The following IGSF11 variants were observed in gnomAD, a reference collection of about 807,000 sequenced individuals.
IGSF11 encodes immunoglobulin superfamily member 11.
IGSF11 carries 22 observed loss-of-function variants against 41.0 expected under a neutral mutation model. The ratio of observed to expected loss-of-function variants is 0.54; its 90% CI spans 0.38 to 0.77. The LOEUF (loss-of-function observed/expected upper bound fraction) is 0.77. IGSF11 is among the 30% of genes least tolerant of loss of function. The pLI is 0.00. For synonymous variants in IGSF11, 219 were observed against 201.3 expected, an observed-to-expected ratio of 1.09 and a Z score of -0.74; for missense variants, 444 against 530.8, an observed-to-expected ratio of 0.84 and a Z score of 1.61.
intron 1 of IGSF11, among the ~76,000 whole-genome samples, chr3:118,980,452 T>C (rs192863734): frequency 3.0e-4 from 46 of 152,268 alleles, no homozygotes; most frequent in Middle Eastern, 3.4e-3. Context: ...CACTCATACA[T>C]GGGAGCTAAT....
At chr3:119,137,906 T>C (rs1343962476) in intron 1 of IGSF11, among the ~76,000 whole-genome samples, 1 of 152,006 alleles carries the variant, frequency 6.6e-6, no homozygotes, top group Admixed American at 6.6e-5. Context: ...AAGATCCAAA[T>C]ACACATTTCT....
At chr3:119,083,378 C>T (rs114437661) in intron 1 of IGSF11, among the ~76,000 whole-genome samples, 1,653 of 152,170 alleles carry the variant, frequency 0.011, 19 homozygotes, top group Middle Eastern at 0.02. Flanking sequence ...GCTGGGATTA[C>T]AAGCATGGGC....
chr3:118,960,967 C>A (rs950971052), intron 1 of IGSF11, among the ~76,000 whole-genome samples: 1 of 152,200 alleles, frequency 6.6e-6, no homozygotes, highest in African/African-American at 2.4e-5. Flanking sequence ...TTGGTTTACA[C>A]ATTCATTTAT....
intron 4 of IGSF11, among the ~76,000 whole-genome samples, chr3:118,914,399 G>T (rs977953674): frequency 1.3e-5 from 2 of 151,508 alleles, no homozygotes; most frequent in African/African-American, 4.8e-5. Context: ...GTGGGTGCGC[G>T]CACCGTGTGC....
intron 1 of IGSF11, among the ~76,000 whole-genome samples, chr3:118,998,935 A>G (rs1936535604): frequency 6.6e-6 from 1 of 152,144 alleles, no homozygotes; most frequent in Non-Finnish European, 1.5e-5. Context: ...AGTATTCATC[A>G]ATACAGGGTG....
At chr3:119,024,309 A>C (rs1159749914) in intron 1 of IGSF11, among the ~76,000 whole-genome samples, 2 of 152,172 alleles carry the variant, frequency 1.3e-5, no homozygotes, top group Non-Finnish European at 2.9e-5. Flanking sequence ...ATCATGTTTA[A>C]ATTTCTTTTA....
chr3:119,034,471 CGCCCCGGGCCCGCCGACCCGGCCTG>C, intron 1 of IGSF11, 35 bp downstream of exon 1: 1 of 1,423,272 alleles, frequency 7.0e-7, no homozygotes. Context: ...CAAACAGCTT[CGCCCCGGGCCCGCCGACCCGGCCTG>C]GCCCCACCGG....
At position 118,911,440 on chromosome 3, in the gene IGSF11, G is replaced by A. The variant is rs77907258; in HGVS notation, c.581-5722C>T. Among the ~76,000 whole-genome samples, 163 of 152,256 alleles carry A rather than the reference G, an allele frequency of 1.1e-3. 2 individuals are homozygous for A. The highest frequency in any genetic ancestry group is 3.9e-3 in the African/African-American group (162 of 41,562). The stretch of plus-strand genomic sequence containing the variant: ...AGTTCAAGAAACAGAATCAGGCTGC[G>A]TGTGGTGGCTCACACCTATAGTCCC... On this transcript the variant is annotated intron_variant, in intron 4 of 6. Coordinates refer to ENST00000393775, the MANE Select transcript of IGSF11 (RefSeq NM_001015887.3).
At chr3:119,046,118 C>G (rs1226800300) in intron 1 of IGSF11, among the ~76,000 whole-genome samples, 4 of 151,164 alleles carry the variant, frequency 2.6e-5, no homozygotes, top group African/African-American at 4.9e-5. Context: ...CAGCTCCTCA[C>G]CAGCAACGGA....
At chr3:118,917,504 T>C (rs1299373917) in intron 4 of IGSF11, among the ~76,000 whole-genome samples, 89 of 140,680 alleles carry the variant, frequency 6.3e-4, no homozygotes, top group African/African-American at 2.2e-3. Context: ...CTAGAAAATC[T>C]AGAAGAAATG....
intron 1 of IGSF11, among the ~76,000 whole-genome samples, chr3:119,008,737 G>T (rs926004448): frequency 3.9e-5 from 6 of 152,202 alleles, no homozygotes; most frequent in Non-Finnish European, 5.9e-5. Flanking sequence ...CAGATATTTG[G>T]TCAAACATTA....
At chr3:119,118,067 G>A (rs1280035189) in intron 1 of IGSF11, among the ~76,000 whole-genome samples, 3 of 152,170 alleles carry the variant, frequency 2.0e-5, no homozygotes, top group African/African-American at 7.2e-5. Context: ...AATGTCTGTG[G>A]CTTTTCCAGG....
At chr3:119,088,901 C>A (rs1351889407) in intron 1 of IGSF11, among the ~76,000 whole-genome samples, 1 of 152,032 alleles carries the variant, frequency 6.6e-6, no homozygotes, top group East Asian at 1.9e-4. Flanking sequence ...CAGGAAGAGA[C>A]TGAAACCATG....
chr3:118,997,684 C>T (rs1289097011), intron 1 of IGSF11, among the ~76,000 whole-genome samples: 1 of 152,030 alleles, frequency 6.6e-6, no homozygotes, highest in Non-Finnish European at 1.5e-5. Context: ...CTATACCAGG[C>T]AATTGCTCAG....
chr3:119,074,886 G>T (rs1180069605), intron 1 of IGSF11, among the ~76,000 whole-genome samples: 3 of 151,856 alleles, frequency 2.0e-5, no homozygotes, highest in East Asian at 3.9e-4. Context: ...AAAAAAGTTA[G>T]AAAGATCTCA....
intron 1 of IGSF11, among the ~76,000 whole-genome samples, chr3:118,956,161 A>G (rs10212391): frequency 0.068 from 10,384 of 152,194 alleles, 1,183 homozygotes; most frequent in African/African-American, 0.24. Context: ...ATTGAAAAAA[A>G]TTAGGGCACT....
chr3:119,004,615 C>T (rs907788167), intron 1 of IGSF11, among the ~76,000 whole-genome samples: 3 of 144,958 alleles, frequency 2.1e-5, no homozygotes, highest in African/African-American at 8.0e-5. Context: ...TATAAATTTC[C>T]CTCTACACAC....
intron 1 of IGSF11, among the ~76,000 whole-genome samples, chr3:119,113,980 A>G (rs2077220991): frequency 6.6e-6 from 1 of 152,212 alleles, no homozygotes; most frequent in African/African-American, 2.4e-5. Flanking sequence ...TGAAGCAGTG[A>G]CCTGAGACAT....
At chr3:118,945,699 C>T (rs777782684) in intron 1 of IGSF11, among the ~76,000 whole-genome samples, 2 of 152,136 alleles carry the variant, frequency 1.3e-5, no homozygotes, top group African/African-American at 2.4e-5. Flanking sequence ...TGTTCCACAT[C>T]AGGTCCTTTC....
Sources: allele counts gnomAD v4.1 joint callset (sites outside exome capture counted in the v4.1 genomes callset), GRCh38; gene constraint gnomAD v4.1.1; transcripts MANE v1.5; gene names NCBI Gene and HGNC (gene_info 2026-07-23, HGNC 2026-07-21).